The following MGMT variants were observed in gnomAD, a reference collection of about 807,000 sequenced individuals.
MGMT encodes the protein methylated-DNA--protein-cysteine methyltransferase.
MGMT carries 14 observed loss-of-function variants against 15.9 expected under a neutral mutation model. That is an observed-to-expected ratio of 0.88 (90% CI 0.58 to 1.37). The LOEUF is 1.37. MGMT is among the 40% of genes most tolerant of loss of function. The pLI, the probability that MGMT is intolerant of heterozygous loss-of-function variation, is 0.00. For missense variants in MGMT, 282 were observed against 268.1 expected (o/e 1.05, Z -0.36); for synonymous variants, 130 against 118.2 (o/e 1.10, Z -0.65).
chr10:129,667,608 C>T (rs1564753954), intron 2 of MGMT, among the ~76,000 whole-genome samples: 2 of 152,128 alleles, frequency 1.3e-5, no homozygotes, highest in Non-Finnish European at 1.5e-5. Context: ...TCTTGATGCA[C>T]ACAGGCACGC....
intron 2 of MGMT, among the ~76,000 whole-genome samples, chr10:129,570,032 G>A (rs1316343792): frequency 6.6e-6 from 1 of 152,228 alleles, no homozygotes; most frequent in Non-Finnish European, 1.5e-5. Context: ...TTTTGTCTGT[G>A]CGAAGAGAAA....
chr10:129,468,495 G>A (rs955415407), intron 1 of MGMT, among the ~76,000 whole-genome samples: 1 of 152,020 alleles, frequency 6.6e-6, no homozygotes, highest in Non-Finnish European at 1.5e-5. Context: ...TTTGAATAGT[G>A]GAGTAGTGTC....
intron 2 of MGMT, among the ~76,000 whole-genome samples, chr10:129,674,099 C>T (rs1847757556): frequency 6.6e-6 from 1 of 152,158 alleles, no homozygotes; most frequent in Non-Finnish European, 1.5e-5. Flanking sequence ...GCCACTGTCT[C>T]TTTTTATTAA....
chr10:129,663,837 A>G (rs1236501961), intron 2 of MGMT, among the ~76,000 whole-genome samples: 1 of 152,202 alleles, frequency 6.6e-6, no homozygotes, highest in Non-Finnish European at 1.5e-5. Flanking sequence ...TACCTCACAA[A>G]ATGGGTCTGA....
intron 2 of MGMT, among the ~76,000 whole-genome samples, chr10:129,652,061 C>T (rs1285538600): frequency 3.9e-5 from 6 of 152,132 alleles, no homozygotes; most frequent in Non-Finnish European, 7.3e-5. Flanking sequence ...AAGCTGCTGT[C>T]GGAAGCCGGG....
At chr10:129,696,780 G>A (rs539538679) in intron 2 of MGMT, among the ~76,000 whole-genome samples, 116 of 152,186 alleles carry the variant, frequency 7.6e-4, no homozygotes, top group Non-Finnish European at 1.5e-3. Flanking sequence ...TTTGTCCCAG[G>A]GCTCACTGGA....
chr10:129,500,240 G>C (rs1845561688), intron 1 of MGMT, among the ~76,000 whole-genome samples: 1 of 152,190 alleles, frequency 6.6e-6, no homozygotes, highest in Admixed American at 6.5e-5. Flanking sequence ...GGCACCGCCT[G>C]GTTTCCTACC....
At chr10:129,727,836 A>G (rs1848450653) in intron 3 of MGMT, among the ~76,000 whole-genome samples, 1 of 152,204 alleles carries the variant, frequency 6.6e-6, no homozygotes, top group South Asian at 2.1e-4. Flanking sequence ...TGGGCTGGGG[A>G]GAACTTCATG....
chr10:129,574,550 A>T (rs1171169669), intron 2 of MGMT, among the ~76,000 whole-genome samples: 2 of 152,324 alleles, frequency 1.3e-5, no homozygotes, highest in African/African-American at 4.8e-5. Context: ...AGCTTGGGGT[A>T]AAAGGCATTG....
intron 3 of MGMT, among the ~76,000 whole-genome samples, chr10:129,758,932 G>A (rs781703758): frequency 1.3e-5 from 2 of 152,202 alleles, no homozygotes; most frequent in Non-Finnish European, 2.9e-5. Context: ...AACCCCACGC[G>A]GAACACGGGA....
intron 2 of MGMT, chr10:129,701,846 T>TA (rs1289268899): frequency 3.3e-5 from 5 of 152,130 alleles, no homozygotes; most frequent in Non-Finnish European, 4.4e-5. Context: ...GTGCCTCAGG[T>TA]GGGCCGCTGC....
chr10:129,705,035 C>T (rs764234569), intron 2 of MGMT, among the ~76,000 whole-genome samples: 3 of 152,208 alleles, frequency 2.0e-5, no homozygotes, highest in Admixed American at 6.5e-5. Flanking sequence ...CCGCTCCACA[C>T]GAAAATAACA....
At chr10:129,590,899 G>C (rs1015992843) in intron 2 of MGMT, among the ~76,000 whole-genome samples, 5 of 152,238 alleles carry the variant, frequency 3.3e-5, no homozygotes, top group Non-Finnish European at 7.3e-5. Context: ...GCCGGCTGAC[G>C]GAAAGGTGGT....
At position 129,685,926 on chromosome 10, in the gene MGMT, A is replaced by G. The variant is rs546310672; in HGVS notation, c.126-21969A>G. Among the ~76,000 whole-genome samples the G allele has an allele frequency of 1.1e-4, 16 of 152,342 alleles. No homozygotes were observed. In the South Asian group the frequency reaches 3.3e-3, roughly 32 times the overall value. On this transcript the variant is annotated intron_variant, in intron 2 of 4. Coordinates refer to ENST00000651593, the MANE Select transcript of MGMT (RefSeq NM_002412.5). ...GTGCAACTGTATTTAATTATTCCCT[A>G]GTTTTGAGGATTGGCCAATAAACCT...
intron 2 of MGMT, among the ~76,000 whole-genome samples, chr10:129,550,348 A>G (rs1015331810): frequency 7.9e-5 from 11 of 138,422 alleles, no homozygotes; most frequent in Non-Finnish European, 1.6e-4. Context: ...CATGTTTCAC[A>G]GTGTTCCGCA....
chr10:129,613,844 C>G (rs1416424329), intron 2 of MGMT, among the ~76,000 whole-genome samples: 1 of 152,214 alleles, frequency 6.6e-6, no homozygotes, highest in African/African-American at 2.4e-5. Context: ...CCACCTGCAA[C>G]CTGGATGCCT....
chr10:129,625,923 C>T (rs1847143252), intron 2 of MGMT, among the ~76,000 whole-genome samples: 1 of 152,190 alleles, frequency 6.6e-6, no homozygotes, highest in African/African-American at 2.4e-5. Flanking sequence ...CAGTTCTTTT[C>T]AACTTACCAC....
intron 3 of MGMT, among the ~76,000 whole-genome samples, chr10:129,735,907 T>G (rs1848554923): frequency 2.1e-5 from 1 of 46,866 alleles, no homozygotes; most frequent in East Asian, 5.3e-4. Context: ...CTAGTTTGAT[T>G]GCACTGTGGT....
chr10:129,505,786 G>A (rs1002779940), intron 1 of MGMT, among the ~76,000 whole-genome samples: 1 of 152,140 alleles, frequency 6.6e-6, no homozygotes, highest in African/African-American at 2.4e-5. Flanking sequence ...TGCTCATGGT[G>A]TCTTATTTCC....
Sources: gnomAD v4.1 joint callset for allele counts (sites outside exome capture counted in the v4.1 genomes callset) on GRCh38, gnomAD v4.1.1 for gene constraint, MANE v1.5 for transcripts, NCBI Gene and HGNC (gene_info 2026-07-23, HGNC 2026-07-21) for gene names.